Variants in DTD1 observed in about 807,000 individuals in gnomAD.
DTD1 encodes the protein D-tyrosyl-tRNA deacylase 1 homolog.
A neutral mutation model predicts 25.6 loss-of-function variants in DTD1; 13 were observed. The ratio of observed to expected loss-of-function variants is 0.51; its 90% CI spans 0.33 to 0.81. The LOEUF is 0.81. Among genes scored for constraint, DTD1 ranks in the 30% least tolerant of loss-of-function variants. The pLI, the probability that DTD1 is intolerant of heterozygous loss-of-function variation, is 0.02. For synonymous variants in DTD1, 110 were observed against 103.6 expected, an observed-to-expected ratio of 1.06 and a Z score of -0.37; for missense variants, 193 against 266.4, an observed-to-expected ratio of 0.72 and a Z score of 1.92.
At chr20:18,609,431 C>G (rs973372262) in intron 3 of DTD1, among the ~76,000 whole-genome samples, 1 of 152,086 alleles carries the variant, frequency 6.6e-6, no homozygotes. Context: ...GGATTACAGG[C>G]GTGAGCCACC....
rs996693446 is a variant in DTD1 at position 18,737,411 on chromosome 20, C to G, written c.478-6689C>G. Among the ~76,000 whole-genome samples, 3 of 152,238 alleles carry G rather than the reference C, an allele frequency of 2.0e-5. No homozygotes were observed. The South Asian group carries it at 6.2e-4, about 31-fold the overall frequency. On this transcript the variant is annotated intron_variant, in intron 4 of 5. Transcript: ENST00000377452. ...GGCTTGCCTGCCCTGGAGACCCCCC[C>G]ATACTTTGGCCACCCAGTGGCCCCA... is the stretch of plus-strand genomic sequence containing the variant.
At chr20:18,697,526 G>A (rs2061082907) in intron 4 of DTD1, among the ~76,000 whole-genome samples, 1 of 152,096 alleles carries the variant, frequency 6.6e-6, no homozygotes, top group African/African-American at 2.4e-5. Flanking sequence ...ATACTTATTG[G>A]TTGAGCATCC....
At chr20:18,736,838 CTG>C (rs2061257229) in intron 4 of DTD1, among the ~76,000 whole-genome samples, 1 of 152,266 alleles carries the variant, frequency 6.6e-6, no homozygotes, top group Non-Finnish European at 1.5e-5. Flanking sequence ...TCTGTGCCCT[CTG>C]AGGCTATTGC....
At chr20:18,763,171 A>C (rs2061369412) in intron 5 of DTD1, among the ~76,000 whole-genome samples, 189 bp from the exon 6 acceptor site, 1 of 152,178 alleles carries the variant, frequency 6.6e-6, no homozygotes, top group Non-Finnish European at 1.5e-5. Flanking sequence ...TTTGAGGAGA[A>C]GGTATTTGGG....
intron 1 of DTD1, among the ~76,000 whole-genome samples, chr20:18,590,230 T>C (rs937101199): frequency 6.6e-6 from 1 of 152,182 alleles, no homozygotes; most frequent in African/African-American, 2.4e-5. Flanking sequence ...CAGGCTGGAG[T>C]GCAGTGGCAC....
chr20:18,749,212 A>G lies in DTD1; in HGVS notation c.*19+4941A>G, dbSNP rs1284916558. Reference sequence around the variant, plus strand: ...TTGCAGGAAACTTGGAAGCCGTGACAGGGATTCTGGAGGGAGAGCAGTGCA... The same window carrying G: ...TTGCAGGAAACTTGGAAGCCGTGACGGGGATTCTGGAGGGAGAGCAGTGCA... On this transcript the variant is annotated intron_variant, in intron 5 of 5. Transcript: ENST00000377452. The surrounding 1 kb of genome is among the most constrained non-coding windows in gnomAD (Gnocchi z 4.2). Among the ~76,000 whole-genome samples the G allele has an allele frequency of 6.6e-6, 1 of 152,186 alleles. No homozygotes were observed. Among genetic ancestry groups the G allele is most frequent in the Non-Finnish European group, 1.5e-5 (1 of 68,028 alleles).
At chr20:18,731,074 T>G (rs569875694) in intron 4 of DTD1, among the ~76,000 whole-genome samples, 1 of 152,354 alleles carries the variant, frequency 6.6e-6, no homozygotes, top group East Asian at 1.9e-4. Flanking sequence ...GTTAGTGCCC[T>G]TGTTATGGAT....
intron 4 of DTD1, among the ~76,000 whole-genome samples, chr20:18,650,544 G>T (rs1184452325): frequency 1.3e-5 from 2 of 152,160 alleles, no homozygotes; most frequent in Non-Finnish European, 1.5e-5. Flanking sequence ...GCCCCATGCT[G>T]CTCCACTTCT....
At chr20:18,682,944 G>C (rs1032609797) in intron 4 of DTD1, among the ~76,000 whole-genome samples, 6 of 152,200 alleles carry the variant, frequency 3.9e-5, no homozygotes, top group African/African-American at 1.4e-4. Flanking sequence ...ATATGTATAT[G>C]CTCAAACTTC....
chr20:18,642,128 AGTT>A (rs1204262240), intron 4 of DTD1, among the ~76,000 whole-genome samples: 1 of 152,164 alleles, frequency 6.6e-6, no homozygotes, highest in Non-Finnish European at 1.5e-5. Flanking sequence ...CTTGAGAGTA[AGTT>A]GTTGGCCTGA....
At chr20:18,684,038 A>T (rs901129842) in intron 4 of DTD1, among the ~76,000 whole-genome samples, 2 of 152,156 alleles carry the variant, frequency 1.3e-5, no homozygotes, top group Admixed American at 1.3e-4. Flanking sequence ...CTTTCCCTGG[A>T]AAGTGGGCCT....
chr20:18,735,474 C>T (rs758575759), intron 4 of DTD1, among the ~76,000 whole-genome samples: 1 of 152,186 alleles, frequency 6.6e-6, no homozygotes, highest in Non-Finnish European at 1.5e-5. Context: ...TGGCATGAGG[C>T]GGGCTCTTAT....
chr20:18,612,139 A>G (rs1195744339), intron 3 of DTD1, among the ~76,000 whole-genome samples: 2 of 139,328 alleles, frequency 1.4e-5, no homozygotes, highest in African/African-American at 5.4e-5. Context: ...GGTTCACGCC[A>G]TTCTCCTGCC....
intron 2 of DTD1, among the ~76,000 whole-genome samples, chr20:18,595,098 C>T (rs2060604954): frequency 6.6e-6 from 1 of 152,204 alleles, no homozygotes; most frequent in East Asian, 1.9e-4. Context: ...ATAGATGTCA[C>T]CTGGTCAACT....
chr20:18,658,440 C>T (rs6075387), intron 4 of DTD1, among the ~76,000 whole-genome samples: 3 of 152,020 alleles, frequency 2.0e-5, no homozygotes, highest in Non-Finnish European at 4.4e-5. Context: ...ATTCTCCTGC[C>T]TCAGCCTCAT....
intron 3 of DTD1, among the ~76,000 whole-genome samples, chr20:18,609,448 A>G (rs1166195860): frequency 6.6e-6 from 1 of 152,080 alleles, no homozygotes; most frequent in East Asian, 1.9e-4. Context: ...CACCAAGCCC[A>G]TCCTAATTGT....
At chr20:18,593,914 C>T (rs1451681239) in intron 2 of DTD1, 93 bp downstream of exon 2, 8 of 940,006 alleles carry the variant, frequency 8.5e-6, no homozygotes, top group South Asian at 1.4e-5. Context: ...GTGAGGTGAG[C>T]CCCTGTCACT....
chr20:18,755,497 C>G (rs1040769515), intron 5 of DTD1, among the ~76,000 whole-genome samples: 1 of 152,182 alleles, frequency 6.6e-6, no homozygotes, highest in African/African-American at 2.4e-5. Context: ...TCAGTTCCCA[C>G]CTATGAGTGA....
chr20:18,731,113 A>G (rs6081331), intron 4 of DTD1, among the ~76,000 whole-genome samples: 127,844 of 152,172 alleles, frequency 0.84, 54,582 homozygotes, highest in Non-Finnish European at 0.93. Context: ...CTGAGGGTCG[A>G]TCCTTCCCTT....
Sources: allele counts gnomAD v4.1 joint callset (sites outside exome capture counted in the v4.1 genomes callset), GRCh38; gene constraint gnomAD v4.1.1; non-coding constraint Gnocchi (gnomAD v3.1); transcripts MANE v1.5; gene names NCBI Gene and HGNC (gene_info 2026-07-23, HGNC 2026-07-21).